The following MOB3B variants were observed in gnomAD, a reference collection of about 807,000 sequenced individuals.
The protein encoded by MOB3B is MOB kinase activator-like 2B.
A neutral mutation model predicts 18.7 loss-of-function variants in MOB3B; 7 were observed. The observed-to-expected ratio is 0.37, with a 90% CI of 0.21 to 0.70. The LOEUF (loss-of-function observed/expected upper bound fraction) is 0.70, where lower values mean the gene tolerates loss of function less well. Ranked by LOEUF, MOB3B falls within the 30% of genes least tolerant of loss-of-function variation. The pLI is 0.52. For missense variants in MOB3B, 253 were observed against 281.3 expected (o/e 0.90, Z 0.72); for synonymous variants, 111 against 99.9 (o/e 1.11, Z -0.66).
intron 3 of MOB3B, among the ~76,000 whole-genome samples, chr9:27,346,621 G>A (rs1468007106): frequency 6.6e-6 from 1 of 152,080 alleles, no homozygotes; most frequent in Non-Finnish European, 1.5e-5. Flanking sequence ...GTTATTACAG[G>A]CCATTTAAAG....
At chr9:27,401,137 T>G (rs770928780) in intron 2 of MOB3B, among the ~76,000 whole-genome samples, 157 of 152,050 alleles carry the variant, frequency 1.0e-3, no homozygotes, top group Non-Finnish European at 1.5e-3. Context: ...AGGGGCCGGG[T>G]GCTCCTTTCC....
At chr9:27,394,114 T>C (rs2131385235) in intron 2 of MOB3B, 1 of 152,234 alleles carries the variant, frequency 6.6e-6, no homozygotes, top group South Asian at 2.1e-4. Context: ...GCTCTCAGTG[T>C]TTGTGGTTCT....
intron 2 of MOB3B, among the ~76,000 whole-genome samples, chr9:27,363,784 C>G (rs543834580): frequency 3.3e-5 from 5 of 152,202 alleles, no homozygotes; most frequent in Non-Finnish European, 7.4e-5. Context: ...CTCTGTCACC[C>G]AGGCTGGAGT....
chr9:27,489,844 A>G (rs1407075979), intron 1 of MOB3B, among the ~76,000 whole-genome samples: 1 of 149,996 alleles, frequency 6.7e-6, no homozygotes, highest in Non-Finnish European at 1.5e-5. Flanking sequence ...TGTTATTAAC[A>G]CAAATGTATC....
At chr9:27,356,368 C>A (rs925501123) in intron 3 of MOB3B, among the ~76,000 whole-genome samples, 1 of 152,152 alleles carries the variant, frequency 6.6e-6, no homozygotes, top group Non-Finnish European at 1.5e-5. Flanking sequence ...CTCCCAGGCC[C>A]CCAAAGAGGC....
At chr9:27,497,905 A>G (rs986837827) in intron 1 of MOB3B, among the ~76,000 whole-genome samples, 1 of 152,260 alleles carries the variant, frequency 6.6e-6, no homozygotes, top group Non-Finnish European at 1.5e-5. Context: ...ACTGATTTTT[A>G]GTAAATCAAA....
chr9:27,515,415 T>C (rs1490204041), intron 1 of MOB3B, among the ~76,000 whole-genome samples: 1 of 152,216 alleles, frequency 6.6e-6, no homozygotes, highest in Non-Finnish European at 1.5e-5. Flanking sequence ...TGTGGATTTC[T>C]AGCTCTGTGA....
At chr9:27,421,986 G>A (rs916569311) in intron 2 of MOB3B, among the ~76,000 whole-genome samples, 2 of 152,174 alleles carry the variant, frequency 1.3e-5, no homozygotes, top group Admixed American at 6.5e-5. Flanking sequence ...AGTTCAATGA[G>A]AGTGAGGATT....
In MOB3B at chr9:27,342,591, A is replaced by T. The variant is rs113099634; in HGVS notation, c.622-11975T>A. On this transcript the variant is annotated intron_variant, in intron 3 of 3. Coordinates refer to ENST00000262244, the MANE Select transcript of MOB3B (RefSeq NM_024761.5). ...GCCTGATTCTCCTGCCTCAGCCTGC[A>T]GAGTGCCTGGGATTGCAGGCGCGCG... Among the ~76,000 whole-genome samples, 1,108 of 152,258 alleles carry T rather than the reference A, an allele frequency of 7.3e-3. 15 individuals carry two copies. The highest frequency in any genetic ancestry group is 0.024 in the African/African-American group (1,003 of 41,546).
At chr9:27,523,951 GGTGAGTGA>G (rs909542533) in intron 1 of MOB3B, among the ~76,000 whole-genome samples, 3 of 151,846 alleles carry the variant, frequency 2.0e-5, no homozygotes, top group Non-Finnish European at 2.9e-5. Context: ...AATAGATTTG[GGTGAGTGA>G]GTGAGTGAGT....
intron 2 of MOB3B, among the ~76,000 whole-genome samples, chr9:27,422,632 T>C (rs781603695): frequency 3.3e-5 from 5 of 152,236 alleles, no homozygotes; most frequent in Non-Finnish European, 7.3e-5. Flanking sequence ...TCTTAAGCTT[T>C]TTGTATGACA....
chr9:27,381,142 G>A (rs1821571958), intron 2 of MOB3B, among the ~76,000 whole-genome samples: 1 of 152,090 alleles, frequency 6.6e-6, no homozygotes, highest in African/African-American at 2.4e-5. Flanking sequence ...GGTGGAAGGA[G>A]CAAGGAATCC....
intron 2 of MOB3B, among the ~76,000 whole-genome samples, chr9:27,399,225 G>T (rs1275528644): frequency 1.3e-5 from 2 of 152,130 alleles, no homozygotes; most frequent in Non-Finnish European, 2.9e-5. Context: ...AGCAAAAGAG[G>T]CAGGTGCCTT....
intron 2 of MOB3B, chr9:27,396,875 T>A (rs1563858464): frequency 6.6e-6 from 1 of 152,236 alleles, no homozygotes; most frequent in Non-Finnish European, 1.5e-5. Context: ...CCATCCACGT[T>A]AACCCTCTTC....
At chr9:27,378,916 C>T (rs578008514) in intron 2 of MOB3B, among the ~76,000 whole-genome samples, 5 of 152,364 alleles carry the variant, frequency 3.3e-5, no homozygotes, top group Middle Eastern at 3.4e-3. Flanking sequence ...TTCTAGCCCA[C>T]GTCTTCTGAG....
At chr9:27,498,153 T>C (rs1819928628) in intron 1 of MOB3B, among the ~76,000 whole-genome samples, 2 of 152,182 alleles carry the variant, frequency 1.3e-5, no homozygotes, top group South Asian at 2.1e-4. Context: ...CCGTGGTGCG[T>C]GTAGCCTCTA....
chr9:27,374,826 C>T (rs942235172), intron 2 of MOB3B, among the ~76,000 whole-genome samples: 2 of 152,234 alleles, frequency 1.3e-5, no homozygotes, highest in African/African-American at 4.8e-5. Flanking sequence ...ATGTCTGCTC[C>T]CCATACATGG....
chr9:27,372,380 A>G (rs991973194), intron 2 of MOB3B, among the ~76,000 whole-genome samples: 1 of 152,262 alleles, frequency 6.6e-6, no homozygotes, highest in Non-Finnish European at 1.5e-5. Flanking sequence ...TAGGGAAAAG[A>G]AAAATCTCCT....
intron 1 of MOB3B, among the ~76,000 whole-genome samples, chr9:27,520,847 T>C (rs1371104098): frequency 2.6e-5 from 4 of 152,184 alleles, no homozygotes; most frequent in Non-Finnish European, 5.9e-5. Context: ...GGTTGTCAGA[T>C]AAAATAAAGA....
Sources: allele counts gnomAD v4.1 joint callset (sites outside exome capture counted in the v4.1 genomes callset), GRCh38; gene constraint gnomAD v4.1.1; transcripts MANE v1.5; gene names NCBI Gene and HGNC (gene_info 2026-07-23, HGNC 2026-07-21).